Variants in GHR observed in about 807,000 individuals in gnomAD.
The protein encoded by GHR is growth hormone receptor, also known as GH receptor.
GHR carries 35 observed loss-of-function variants against 67.1 expected under a neutral mutation model. The observed-to-expected ratio is 0.52, with a 90% CI of 0.40 to 0.69. The LOEUF is 0.69. Ranked by LOEUF, GHR falls within the 30% of genes least tolerant of loss-of-function variation. The pLI is 0.00. For missense variants in GHR, 792 were observed against 764.6 expected (o/e 1.04, Z -0.42); for synonymous variants, 272 against 269.1 (o/e 1.01, Z -0.10).
intron 5 of GHR, 50 bp downstream of exon 5, chr5:42,695,139 T>C (rs774346132): frequency 4.8e-6 from 6 of 1,256,670 alleles, no homozygotes; most frequent in Non-Finnish European, 7.0e-6. Flanking sequence ...ACTAAATAAA[T>C]GGGGAAGCCT....
intron 3 of GHR, among the ~76,000 whole-genome samples, chr5:42,632,413 G>A (rs1753973040): frequency 6.6e-6 from 1 of 152,174 alleles, no homozygotes; most frequent in African/African-American, 2.4e-5. Context: ...GACACATATG[G>A]TCAAACCAGA....
intron 6 of GHR, among the ~76,000 whole-genome samples, chr5:42,701,851 C>T (rs774331602): frequency 6.6e-6 from 1 of 151,766 alleles, no homozygotes; most frequent in Non-Finnish European, 1.5e-5. Flanking sequence ...CAATATTTTC[C>T]AAATTACTAA....
chr5:42,545,941 G>C (rs1315698587), intron 1 of GHR, among the ~76,000 whole-genome samples: 1 of 151,970 alleles, frequency 6.6e-6, no homozygotes, highest in African/African-American at 2.4e-5. Context: ...CATTTATGTG[G>C]GCCTTAATAA....
intron 1 of GHR, among the ~76,000 whole-genome samples, chr5:42,484,534 T>C (rs1745794660): frequency 6.6e-6 from 1 of 152,228 alleles, no homozygotes. Flanking sequence ...TTGCATTCTC[T>C]TCCAGAAATA....
chr5:42,653,559 A>G (rs1755110031), intron 3 of GHR, among the ~76,000 whole-genome samples: 1 of 152,168 alleles, frequency 6.6e-6, no homozygotes, highest in Admixed American at 6.5e-5. Flanking sequence ...GGCACAGTGC[A>G]TAACAACCAC....
chr5:42,613,379 C>G (rs1580056411), intron 2 of GHR, among the ~76,000 whole-genome samples: 1 of 152,132 alleles, frequency 6.6e-6, no homozygotes, highest in Non-Finnish European at 1.5e-5. Flanking sequence ...TGGGCTTTGT[C>G]TTATACTCTA....
intron 1 of GHR, among the ~76,000 whole-genome samples, chr5:42,455,397 C>A (rs888213783): frequency 6.6e-6 from 1 of 152,138 alleles, no homozygotes; most frequent in African/African-American, 2.4e-5. Context: ...TGTATGTTAG[C>A]CCTGCCTGCT....
Position 42,443,611 on chromosome 5 carries a change from G to GGT in GHR, c.-12+19675_-12+19676dup, listed in dbSNP as rs750169625. 7.2e-3 allele frequency among the ~76,000 whole-genome samples: 1,082 copies of GGT among 150,572 alleles called. 1 individual carries two copies. Among genetic ancestry groups the GGT allele is most frequent in the Middle Eastern group, 0.041 (12 of 292 alleles). ...GTTTCCAGAGAAACAGGACCAGTAGGGTGTGTGTGTGTGTGTGTGTAGATT... is the reference window on the plus strand; with the variant it reads ...GTTTCCAGAGAAACAGGACCAGTAGGGTGTGTGTGTGTGTGTGTGTGTAGATT... On this transcript the variant is annotated intron_variant, in intron 1 of 9. Transcript: ENST00000230882.
chr5:42,641,718 T>C (rs1054986234), intron 3 of GHR, among the ~76,000 whole-genome samples: 1 of 152,192 alleles, frequency 6.6e-6, no homozygotes, highest in Non-Finnish European at 1.5e-5. Flanking sequence ...AAATTTGTCT[T>C]GGGTAACTTC....
At chr5:42,634,019 C>A (rs1350215744) in intron 3 of GHR, among the ~76,000 whole-genome samples, 1 of 152,124 alleles carries the variant, frequency 6.6e-6, no homozygotes, top group Non-Finnish European at 1.5e-5. Flanking sequence ...GGAGAGAGAG[C>A]GTAGCACCGC....
intron 1 of GHR, among the ~76,000 whole-genome samples, chr5:42,510,080 A>T (rs916463061): frequency 6.6e-6 from 1 of 152,168 alleles, no homozygotes; most frequent in Admixed American, 6.5e-5. Flanking sequence ...TCCGTCAGTT[A>T]TCCCCATTGC....
chr5:42,671,707 A>G (rs1756312487), intron 3 of GHR, among the ~76,000 whole-genome samples: 1 of 151,282 alleles, frequency 6.6e-6, no homozygotes. Flanking sequence ...CTGTAATCCC[A>G]GCACTTTGGG....
At chr5:42,561,322 C>A (rs1475787532) in intron 1 of GHR, among the ~76,000 whole-genome samples, 1 of 152,150 alleles carries the variant, frequency 6.6e-6, no homozygotes, top group Non-Finnish European at 1.5e-5. Flanking sequence ...CTTGAAGAAC[C>A]ATTATTTTGA....
At chr5:42,518,062 T>C (rs905567839) in intron 1 of GHR, among the ~76,000 whole-genome samples, 4 of 151,616 alleles carry the variant, frequency 2.6e-5, no homozygotes, top group Non-Finnish European at 5.9e-5. Context: ...AAAAGAATGG[T>C]TGTAATCCTC....
At chr5:42,645,508 A>G (rs889038172) in intron 3 of GHR, among the ~76,000 whole-genome samples, 11 of 152,234 alleles carry the variant, frequency 7.2e-5, no homozygotes, top group African/African-American at 2.7e-4. Context: ...AGAGAGAGGA[A>G]AGAACCAGTT....
intron 3 of GHR, among the ~76,000 whole-genome samples, chr5:42,680,779 A>G (rs2111585127): frequency 6.6e-6 from 1 of 152,252 alleles, no homozygotes; most frequent in African/African-American, 2.4e-5. Flanking sequence ...TGCTGGAATT[A>G]CAGGTGTGAG....
At chr5:42,676,142 G>C (rs1756563106) in intron 3 of GHR, among the ~76,000 whole-genome samples, 1 of 152,030 alleles carries the variant, frequency 6.6e-6, no homozygotes. Flanking sequence ...AAAATTACCT[G>C]GGCATGGTGG....
At chr5:42,437,856 A>G (rs1456472896) in intron 1 of GHR, among the ~76,000 whole-genome samples, 2 of 150,978 alleles carry the variant, frequency 1.3e-5, no homozygotes, top group East Asian at 3.9e-4. Flanking sequence ...GTGCCGAGCC[A>G]TCCTGTCTTC....
chr5:42,480,329 G>T (rs1476281991), intron 1 of GHR, among the ~76,000 whole-genome samples: 2 of 152,172 alleles, frequency 1.3e-5, no homozygotes, highest in East Asian at 3.8e-4. Flanking sequence ...TTTTGGAATA[G>T]GTGTGGTATG....
Sources: gnomAD v4.1 joint callset for allele counts (sites outside exome capture counted in the v4.1 genomes callset) on GRCh38, gnomAD v4.1.1 for gene constraint, MANE v1.5 for transcripts, NCBI Gene and HGNC (gene_info 2026-07-23, HGNC 2026-07-21) for gene names.